The following EIF2S3 variants were observed in gnomAD, a reference collection of about 807,000 sequenced individuals.
EIF2S3 encodes the protein eukaryotic translation initiation factor 2 subunit 3.
In EIF2S3, 2 loss-of-function variants were observed where a neutral mutation model predicts 31.7. The observed-to-expected ratio is 0.06, with a 90% CI of 0.03 to 0.20. The LOEUF (loss-of-function observed/expected upper bound fraction) is 0.20, where lower values mean the gene tolerates loss of function less well. EIF2S3 is among the 10% of genes least tolerant of loss of function. The pLI is 1.00. For synonymous variants in EIF2S3, 120 were observed against 126.7 expected (o/e 0.95, Z 0.36); for missense variants, 96 against 359.3 (o/e 0.27, Z 5.92).
chrX:24,068,436 G>A (rs770140959), intron 9 of EIF2S3, among the ~76,000 whole-genome samples: 6 of 110,253 alleles, frequency 5.4e-5, no homozygotes, highest in African/African-American at 2.0e-4. Flanking sequence ...TTTTGTGCTA[G>A]ATAATGGTTG....
At chrX:24,069,692 T>TC in intron 9 of EIF2S3, among the ~76,000 whole-genome samples, 1 of 91,968 alleles carries the variant, frequency 1.1e-5, no homozygotes, top group African/African-American at 4.0e-5. Flanking sequence ...ATTTCTTTTT[T>TC]TTTTTTTTTT....
rs189351805 is a variant in EIF2S3, at chrX:24,065,833, A to G, written c.773-165A>G. On this transcript the variant is annotated intron_variant, in intron 7 of 11. Coordinates refer to ENST00000253039, the MANE Select transcript of EIF2S3 (RefSeq NM_001415.4). ...TTAAGTTACTTTCATTTTTTCCATC[A>G]TAAGTAAGACTGCTTAATCATTGGA... 1.8e-4 allele frequency among the ~76,000 whole-genome samples: 20 copies of G among 111,945 alleles called. No individual in the cohort carries two copies. In the East Asian group the frequency reaches 5.0e-3, roughly 28 times the overall value.
chrX:24,064,421 T>C, intron 7 of EIF2S3, 86 bp downstream of exon 7: 2 of 1,042,306 alleles, frequency 1.9e-6, no homozygotes, highest in Non-Finnish European at 2.5e-6. Flanking sequence ...TAATATTTCC[T>C]CTTTCTGCAG....
At chrX:24,066,663 C>G (rs1318425079) in intron 8 of EIF2S3, among the ~76,000 whole-genome samples, 2 of 109,908 alleles carry the variant, frequency 1.8e-5, no homozygotes, top group African/African-American at 6.6e-5. Flanking sequence ...ACAAGCACCC[C>G]CCACCATGCC....
intron 4 of EIF2S3, among the ~76,000 whole-genome samples, chrX:24,059,318 C>T (rs769571413): frequency 8.9e-6 from 1 of 112,152 alleles, no homozygotes; most frequent in African/African-American, 3.2e-5. Context: ...AATTGTGACT[C>T]TGAATGAATA....
intron 10 of EIF2S3, among the ~76,000 whole-genome samples, chrX:24,072,687 T>C (rs1930690510): frequency 9.0e-6 from 1 of 111,194 alleles, no homozygotes; most frequent in Non-Finnish European, 1.9e-5. Context: ...ATGCTTTTTT[T>C]TCCCCCCACT....
intron 4 of EIF2S3, among the ~76,000 whole-genome samples, chrX:24,059,485 C>T (rs1191097864): frequency 9.3e-6 from 1 of 108,023 alleles, no homozygotes; most frequent in East Asian, 2.9e-4. Context: ...TGCCATGGTG[C>T]TATCTTGGCG....
chrX:24,066,537 T>C (rs1272369368), intron 8 of EIF2S3, among the ~76,000 whole-genome samples: 1 of 108,483 alleles, frequency 9.2e-6, no homozygotes, highest in Non-Finnish European at 1.9e-5. Flanking sequence ...TTTTTTTTTT[T>C]CTTGAGGCGG....
chrX:24,057,539 T>C lies in EIF2S3; in HGVS notation c.252T>C (p.Ala84=), dbSNP rs781485564. 8.3e-7 allele frequency: 1 copy of C among 1,208,797 alleles called. No homozygotes were observed. Among genetic ancestry groups the C allele is most frequent in the Non-Finnish European group, 1.1e-6 (1 of 894,080 alleles). Residue 84 remains alanine (A), a synonymous_variant, in exon 3 of 12, where the codon GCT becomes GCC. Transcript: ENST00000253039. ...ERNITIKLGY[A]NAKIYKLDDP... ...ATATTACAATCAAGCTTGGATATGC[T>C]AATGCTAAGGTAAGCTGTGTACTGT...
At chrX:24,064,360 C>T (rs188182089) in intron 7 of EIF2S3, 25 bp downstream of exon 7, 1 of 1,127,556 alleles carries the variant, frequency 8.9e-7, no homozygotes, top group East Asian at 3.2e-5. Context: ...TTGCCTTTAA[C>T]TCTTAATCTG....
intron 11 of EIF2S3, 70 bp from the exon 12 acceptor site, chrX:24,076,652 C>A: frequency 9.4e-7 from 1 of 1,059,659 alleles, no homozygotes; most frequent in Non-Finnish European, 1.3e-6. Context: ...TAAAATTTAT[C>A]ACAAGATTGT....
intron 9 of EIF2S3, among the ~76,000 whole-genome samples, chrX:24,069,939 C>T (rs1930639964): frequency 9.1e-6 from 1 of 109,719 alleles, no homozygotes; most frequent in Admixed American, 9.9e-5. Flanking sequence ...GATCTGCCCT[C>T]CTTGGCCTCC....
chrX:24,074,862 C>CTTCTTTTTTTTT (rs1555984976), intron 11 of EIF2S3, among the ~76,000 whole-genome samples: 4 of 47,473 alleles, frequency 8.4e-5, no homozygotes, highest in African/African-American at 3.8e-4. Flanking sequence ...TTTTCTTCTT[C>CTTCTTTTTTTTT]TTTTTTTTTT....
In EIF2S3 at chrX:24,057,856, A is replaced by C. The variant is rs1397738513; in HGVS notation, c.383+102A>C. On this transcript the variant is annotated intron_variant, in intron 4 of 11. Transcript: ENST00000253039. Reference sequence around the variant, plus strand: ...TGTTAAACGGTGAACCTAATGGCTAAATGGTTTTGTTGTTTTTCCATTGTT... The same window carrying C: ...TGTTAAACGGTGAACCTAATGGCTACATGGTTTTGTTGTTTTTCCATTGTT... The C allele has an allele frequency of 4.3e-6, 4 of 925,457 alleles. No individual in the cohort carries two copies. The East Asian group carries it at 9.9e-5, about 23-fold the overall frequency. The allele number at this position is 925,457 out of a possible 1,213,427, so 76.3% of individuals were successfully genotyped here.
chrX:24,068,197 A>G, intron 9 of EIF2S3, 89 bp downstream of exon 9: 1 of 905,926 alleles, frequency 1.1e-6, no homozygotes, highest in Non-Finnish European at 1.5e-6. Context: ...CATATTACAG[A>G]TTTTTAATTG....
chrX:24,067,067 GTT>G (rs1226653859), intron 8 of EIF2S3, among the ~76,000 whole-genome samples: 1 of 107,440 alleles, frequency 9.3e-6, no homozygotes, highest in Non-Finnish European at 1.9e-5. Flanking sequence ...TCTGATAATA[GTT>G]TTTTTTTTGT....
chrX:24,073,317 C>G, intron 11 of EIF2S3, 54 bp downstream of exon 11: 1 of 1,162,049 alleles, frequency 8.6e-7, no homozygotes, highest in Non-Finnish European at 1.2e-6. Context: ...CAGTCTTGTA[C>G]AGAAAAAAAA....
chrX:24,068,222 A>G, intron 9 of EIF2S3, 114 bp downstream of exon 9: 1 of 737,651 alleles, frequency 1.4e-6, no homozygotes, highest in Non-Finnish European at 1.9e-6. Context: ...TTTTAATAAT[A>G]GAGTAGGGTG....
intron 9 of EIF2S3, among the ~76,000 whole-genome samples, chrX:24,069,424 C>A (rs765146302): frequency 9.4e-6 from 1 of 105,997 alleles, no homozygotes; most frequent in South Asian, 4.2e-4. Flanking sequence ...AATGAATTTA[C>A]CAGGTTGGGT....
Sources: gnomAD v4.1 joint callset for allele counts (sites outside exome capture counted in the v4.1 genomes callset) on GRCh38, gnomAD v4.1.1 for gene constraint, MANE v1.5 for transcripts, NCBI Gene and HGNC (gene_info 2026-07-23, HGNC 2026-07-21) for gene names.